Variants in CEP112 observed in about 807,000 individuals in gnomAD.
CEP112 encodes the protein centrosomal protein 112.
In CEP112, 127 loss-of-function variants were observed where a neutral mutation model predicts 153.0. That is an observed-to-expected ratio of 0.83 (90% confidence interval 0.72 to 0.96). The LOEUF is 0.96. CEP112 is among the 40% of genes least tolerant of loss of function. The pLI is 0.00. For missense variants in CEP112, 1,089 were observed against 1,101.2 expected (o/e 0.99, Z 0.16); for synonymous variants, 358 against 374.4 (o/e 0.96, Z 0.51).
chr17:65,739,331 T>C (rs921723863), intron 23 of CEP112, among the ~76,000 whole-genome samples: 2 of 152,232 alleles, frequency 1.3e-5, no homozygotes, highest in Non-Finnish European at 2.9e-5. Context: ...GTGGTGATAA[T>C]TCTTTTGAAA....
intron 17 of CEP112, among the ~76,000 whole-genome samples, chr17:65,997,497 T>C (rs1279805329): frequency 1.3e-5 from 2 of 152,150 alleles, no homozygotes; most frequent in East Asian, 1.9e-4. Flanking sequence ...CTGGCTTAAG[T>C]GATTTGGGAC....
chr17:66,172,157 T>C (rs552649958), intron 4 of CEP112, among the ~76,000 whole-genome samples: 1 of 152,358 alleles, frequency 6.6e-6, no homozygotes, highest in East Asian at 1.9e-4. Flanking sequence ...ATATAGATAC[T>C]TACAGAATTC....
At chr17:66,080,789 A>T (rs1457816468) in intron 8 of CEP112, among the ~76,000 whole-genome samples, 3 of 152,212 alleles carry the variant, frequency 2.0e-5, no homozygotes, top group Admixed American at 2.0e-4. Context: ...TAGACTGAAT[A>T]AAGAAAATGT....
intron 18 of CEP112, among the ~76,000 whole-genome samples, chr17:65,958,575 G>A (rs1050197105): frequency 3.3e-5 from 5 of 151,592 alleles, no homozygotes; most frequent in African/African-American, 7.3e-5. Flanking sequence ...GGGTGCTGTC[G>A]CATGCCAGCC....
chr17:66,057,149 G>A (rs2066724232), intron 11 of CEP112, among the ~76,000 whole-genome samples: 1 of 152,230 alleles, frequency 6.6e-6, no homozygotes, highest in African/African-American at 2.4e-5. Context: ...CAATTTGGCT[G>A]TATTGTGGGA....
chr17:66,189,303 C>T (rs2073072442), intron 1 of CEP112, among the ~76,000 whole-genome samples: 1 of 152,166 alleles, frequency 6.6e-6, no homozygotes, highest in East Asian at 1.9e-4. Context: ...GAGTTCAAGA[C>T]CAGCCTGGCC....
intron 24 of CEP112, among the ~76,000 whole-genome samples, chr17:65,650,158 T>C (rs779363273): frequency 4.1e-4 from 62 of 152,178 alleles, no homozygotes; most frequent in Admixed American, 6.5e-4. Flanking sequence ...TTTTCTCTAA[T>C]TCTTCTTTCT....
rs550988162 is a variant in CEP112 at position 65,758,144 on chromosome 17, A to T, written c.2395-7420T>A. ...CCCTTGGCTCTGCTCTATTTTTATT[A>T]TTTCCTTTCTTCTGCTACTTCTGCA... On this transcript the variant is annotated intron_variant, in intron 21 of 26. Coordinates refer to ENST00000535342, the MANE Select transcript of CEP112 (RefSeq NM_001199165.4). 2.0e-5 allele frequency among the ~76,000 whole-genome samples: 3 copies of T among 152,058 alleles called. No individual in the cohort carries two copies. The East Asian group carries it at 5.8e-4, about 29-fold the overall frequency.
At chr17:66,135,273 A>T (rs911661721) in intron 4 of CEP112, among the ~76,000 whole-genome samples, 1 of 152,222 alleles carries the variant, frequency 6.6e-6, no homozygotes, top group Non-Finnish European at 1.5e-5. Context: ...CTGGCACAAG[A>T]AAAACAGGAC....
chr17:66,082,820 A>C (rs4390627), intron 8 of CEP112, among the ~76,000 whole-genome samples: 1 of 151,316 alleles, frequency 6.6e-6, no homozygotes, highest in Non-Finnish European at 1.5e-5. Flanking sequence ...AACCACTATA[A>C]TTCTTTAACT....
At chr17:66,131,137 A>C (rs1310264355) in intron 5 of CEP112, among the ~76,000 whole-genome samples, 2 of 152,142 alleles carry the variant, frequency 1.3e-5, no homozygotes, top group Non-Finnish European at 2.9e-5. Context: ...TAATTTTTTT[A>C]AATGCACTAA....
chr17:65,910,102 G>C (rs1280661298), intron 19 of CEP112, among the ~76,000 whole-genome samples: 1 of 152,138 alleles, frequency 6.6e-6, no homozygotes, highest in Non-Finnish European at 1.5e-5. Flanking sequence ...CTAATACACA[G>C]AAAAACCCCA....
At chr17:65,769,409 GAA>G (rs71160506) in intron 21 of CEP112, among the ~76,000 whole-genome samples, 1 of 151,512 alleles carries the variant, frequency 6.6e-6, no homozygotes, top group African/African-American at 2.4e-5. Flanking sequence ...CACAGAAATA[GAA>G]AAAAAAACCT....
At chr17:66,054,751 GC>G (rs2066606910) in intron 11 of CEP112, among the ~76,000 whole-genome samples, 1 of 152,018 alleles carries the variant, frequency 6.6e-6, no homozygotes, top group African/African-American at 2.4e-5. Context: ...GATATATTTG[GC>G]TTTTTGTTTT....
chr17:65,743,313 A>G (rs1308090924), intron 22 of CEP112, 96 bp from the exon 23 acceptor site: 1 of 901,780 alleles, frequency 1.1e-6, no homozygotes, highest in Non-Finnish European at 1.7e-6. Context: ...GATTTGACAA[A>G]ACTCTATTCC....
chr17:65,774,278 A>T (rs543318435), intron 21 of CEP112, among the ~76,000 whole-genome samples: 2 of 152,266 alleles, frequency 1.3e-5, no homozygotes, highest in Admixed American at 1.3e-4. Flanking sequence ...TGTTCCCGAG[A>T]AAAGACCCTA....
chr17:65,950,139 T>TA (rs1243506633), intron 18 of CEP112, among the ~76,000 whole-genome samples: 1 of 152,204 alleles, frequency 6.6e-6, no homozygotes, highest in Non-Finnish European at 1.5e-5. Flanking sequence ...TGCATGTCAC[T>TA]ACCTGTTTTC....
chr17:66,131,159 T>C (rs767069226), intron 5 of CEP112, among the ~76,000 whole-genome samples: 4 of 152,212 alleles, frequency 2.6e-5, no homozygotes, highest in Non-Finnish European at 5.9e-5. Context: ...ATGTTCTTCA[T>C]ATTTTACTGA....
At chr17:65,642,083 G>C (rs1043893128) in intron 24 of CEP112, among the ~76,000 whole-genome samples, 4 of 152,220 alleles carry the variant, frequency 2.6e-5, no homozygotes, top group Non-Finnish European at 5.9e-5. Context: ...GAATATGCCT[G>C]AGCAGGATGA....
Sources: gnomAD v4.1 joint callset for allele counts (sites outside exome capture counted in the v4.1 genomes callset) on GRCh38, gnomAD v4.1.1 for gene constraint, MANE v1.5 for transcripts, NCBI Gene and HGNC (gene_info 2026-07-23, HGNC 2026-07-21) for gene names.